Variants in POU6F1 observed in about 807,000 individuals in gnomAD.
POU6F1 encodes POU domain, class 6, transcription factor 1.
A neutral mutation model predicts 28.9 loss-of-function variants in POU6F1; 9 were observed. That is an observed-to-expected ratio of 0.31 (90% CI 0.19 to 0.54). The LOEUF is 0.54. Ranked by LOEUF, POU6F1 falls within the 20% of genes least tolerant of loss-of-function variation. POU6F1 has a pLI of 0.94. For missense variants in POU6F1, 338 were observed against 426.1 expected, an observed-to-expected ratio of 0.79 and a Z score of 1.82; for synonymous variants, 173 against 171.1, an observed-to-expected ratio of 1.01 and a Z score of -0.09.
chr12:51,190,196 A>C lies in POU6F1; in HGVS notation c.*51T>G. On this transcript the variant is annotated 3_prime_UTR_variant, in exon 11 of 11. Coordinates refer to ENST00000333640, the MANE Select transcript of POU6F1 (RefSeq NM_001330422.2). The surrounding 1 kb of genome is among the most constrained non-coding windows in gnomAD (Gnocchi z 4.5). ...CTGTCATGGCAGTGGCTGCAGCCGG[A>C]TGCCACGGGAAATGGACAAAGTGCT... is the stretch of plus-strand genomic sequence containing the variant. 1.3e-6 allele frequency: 2 copies of C among 1,584,342 alleles called. No individual in the cohort carries two copies. Among genetic ancestry groups the C allele is most frequent in the South Asian group, 1.1e-5 (1 of 87,762 alleles).
chr12:51,201,235 A>T (rs961747208), intron 3 of POU6F1, among the ~76,000 whole-genome samples: 1 of 152,194 alleles, frequency 6.6e-6, no homozygotes, highest in Non-Finnish European at 1.5e-5. Flanking sequence ...TCAGGACTAT[A>T]CTGTTCACAG....
chr12:51,193,868 C>T (rs749973833), intron 8 of POU6F1, among the ~76,000 whole-genome samples: 8 of 152,182 alleles, frequency 5.3e-5, no homozygotes, highest in Non-Finnish European at 1.0e-4. Flanking sequence ...GTACAGATTT[C>T]TCCAGGATGG....
rs532358965 is a variant in POU6F1, at chr12:51,190,375, T to A, written c.1708A>T (p.Thr570Ser). ...GCAATTTCAGTGATCTCCTGGCCTG[T>A]GGGCAGTGGGTTCTTCTCAAAATAG... ...NAYFEKNPLP[T>S]GQEITEIAKE... The change falls in exon 11 of 11, where the codon ACA becomes TCA. Residue 570 changes from threonine to serine, a missense_variant. Thr to Ser is a moderately conservative substitution (Grantham distance 58, BLOSUM62 1). Coordinates refer to ENST00000333640, the MANE Select transcript of POU6F1 (RefSeq NM_001330422.2). This position sits in a 1 kb window ranked among gnomAD's most constrained non-coding sequence, Gnocchi z 4.5. 6.2e-7 allele frequency: 1 copy of A among 1,614,142 alleles called. No individual in the cohort carries two copies. The highest frequency in any genetic ancestry group is 1.3e-5 in the African/African-American group (1 of 75,030).
At position 51,202,882 on chromosome 12, in the gene POU6F1, T is replaced by TA. The variant is rs199533751; in HGVS notation, c.244+1290dup. On this transcript the variant is annotated intron_variant, in intron 3 of 10. Coordinates refer to ENST00000333640, the MANE Select transcript of POU6F1 (RefSeq NM_001330422.2). ...TGCATGTGTGACAAAGACTGGATAG[T>TA]AATTTAGAGTGACACAAACCAATAG... 4.6e-3 allele frequency among the ~76,000 whole-genome samples: 696 copies of TA among 152,252 alleles called. 4 individuals are homozygous for TA. The highest frequency in any genetic ancestry group is 0.015 in the African/African-American group (639 of 41,534).
At chr12:51,212,718 G>A (rs1224527763) in intron 1 of POU6F1, among the ~76,000 whole-genome samples, 1 of 136,884 alleles carries the variant, frequency 7.3e-6, no homozygotes, top group African/African-American at 2.7e-5. Flanking sequence ...GGAGGCAGAG[G>A]TGAGCCAAGA....
chr12:51,196,790 G>A lies in POU6F1; in HGVS notation c.975+9C>T, dbSNP rs1317362089. 6 of 1,613,764 alleles carry A rather than the reference G, an allele frequency of 3.7e-6. No individual in the cohort carries two copies. Among genetic ancestry groups the A allele is most frequent in the Non-Finnish European group, 5.1e-6 (6 of 1,179,846 alleles). On this transcript the variant is annotated intron_variant, in intron 7 of 10. Transcript: ENST00000333640. The stretch of plus-strand genomic sequence containing the variant: ...TCCCCACCCTCCAGCCCTGTCTTTG[G>A]CCACTTGCCTGTCCCTGAGCATTGG...
At position 51,217,673 on chromosome 12, in the gene POU6F1, G is replaced by C. The variant is rs559986529; in HGVS notation, c.-79C>G. 4.5e-3 allele frequency: 680 copies of C among 152,056 alleles called. 6 individuals are homozygous for C. Among genetic ancestry groups the C allele is most frequent in the African/African-American group, 0.016 (643 of 41,472 alleles). The allele number at this position is 152,056 out of a possible 1,614,324, so 9.4% of individuals were successfully genotyped here. ...CCGAGCCCGAGCCGCCTTCGCCGCGGGTGTCTGGCGGCCACCGATTAGAGA... is the reference window on the plus strand; with the variant it reads ...CCGAGCCCGAGCCGCCTTCGCCGCGCGTGTCTGGCGGCCACCGATTAGAGA... On this transcript the variant is annotated 5_prime_UTR_variant, in exon 1 of 11. Transcript: ENST00000333640. The surrounding 1 kb of genome is among the most constrained non-coding windows in gnomAD (Gnocchi z 5.3).
chr12:51,200,999 A>C (rs1207633655), intron 3 of POU6F1, among the ~76,000 whole-genome samples: 1 of 152,156 alleles, frequency 6.6e-6, no homozygotes, highest in Non-Finnish European at 1.5e-5. Context: ...GGCCAGATCA[A>C]TGGCTTCTTA....
chr12:51,190,722 C>G lies in POU6F1; in HGVS notation c.1491-130G>C. 1 of 1,367,982 alleles carries G rather than the reference C, an allele frequency of 7.3e-7. No individual in the cohort carries two copies. 84.7% of individuals were successfully genotyped at this position (1,367,982 alleles called of 1,614,324 possible). A position where few individuals can be genotyped will look rare whatever the true frequency, so the allele number is the denominator to read the frequency against. On this transcript the variant is annotated intron_variant, in intron 10 of 10. Transcript: ENST00000333640. This position sits in a 1 kb window ranked among gnomAD's most constrained non-coding sequence, Gnocchi z 4.5. ...GGGGCTGGTGAGACTGTACCCAGTG[C>G]TCCCCTCACCACCTCCACCAAGACC... is the stretch of plus-strand genomic sequence containing the variant.
Position 51,190,569 on chromosome 12 carries a change from G to A in POU6F1, c.1514C>T (p.Pro505Leu). 2.5e-6 allele frequency: 4 copies of A among 1,613,602 alleles called. No individual in the cohort carries two copies. The highest frequency in any genetic ancestry group is 3.4e-6 in the Non-Finnish European group (4 of 1,179,690). ...CGGCTTTAGCTTCTGGGCACTCTTG[G>A]GTGTGATGTCTAGCTTCTCGAACCT... ...ICRFEKLDITPKSAQKLKPVL... is the reference protein window; with the variant it reads ...ICRFEKLDITLKSAQKLKPVL... The change falls in exon 11 of 11, where the codon CCC becomes CTC. Residue 505 changes from proline to leucine, a missense_variant. By Grantham distance (98) the Pro-to-Leu change is moderately conservative. Around this residue, in one of 3 missense-constraint regions of POU6F1, gnomAD observed 126 missense variants for 176.5 expected, o/e 0.71. Coordinates refer to ENST00000333640, the MANE Select transcript of POU6F1 (RefSeq NM_001330422.2). The surrounding 1 kb of genome is among the most constrained non-coding windows in gnomAD (Gnocchi z 4.5).
intron 2 of POU6F1, 74 bp from the exon 3 acceptor site, chr12:51,204,442 T>C (rs1052463592): frequency 7.5e-6 from 3 of 397,590 alleles, no homozygotes; most frequent in Non-Finnish European, 1.3e-5. Flanking sequence ...CTGGGTATGG[T>C]TTGGGGAGAG....
chr12:51,215,427 C>T (rs1349677036), intron 1 of POU6F1, among the ~76,000 whole-genome samples: 2 of 151,734 alleles, frequency 1.3e-5, no homozygotes, highest in Non-Finnish European at 2.9e-5. Flanking sequence ...TGGTGGTGTG[C>T]GCCTATAGTT....
chr12:51,208,548 T>C (rs1398685953), intron 1 of POU6F1, among the ~76,000 whole-genome samples: 1 of 152,174 alleles, frequency 6.6e-6, no homozygotes, highest in Non-Finnish European at 1.5e-5. Context: ...CTTTCTGCTA[T>C]GGTCTGAATG....
At position 51,192,322 on chromosome 12, in the gene POU6F1, C is replaced by G; in HGVS notation, c.1321+8G>C. On this transcript the variant is annotated splice_region_variant and intron_variant, in intron 9 of 10. Transcript: ENST00000333640. ...CTTCTCCACACTACTTCTCCAGGAG[C>G]CACTTACTGGACACCAACTGGCTGA... The G allele has an allele frequency of 6.2e-7, 1 of 1,613,702 alleles. No homozygotes were observed. The highest frequency in any genetic ancestry group is 8.5e-7 in the Non-Finnish European group (1 of 1,179,730).
At chr12:51,202,397 T>C (rs1460250265) in intron 3 of POU6F1, 2 of 152,366 alleles carry the variant, frequency 1.3e-5, no homozygotes, top group Non-Finnish European at 2.9e-5. Flanking sequence ...CGATCTCTGC[T>C]CACTGCAACC....
At chr12:51,212,607 C>A (rs1263156152) in intron 1 of POU6F1, among the ~76,000 whole-genome samples, 1 of 148,572 alleles carries the variant, frequency 6.7e-6, no homozygotes, top group Non-Finnish European at 1.5e-5. Flanking sequence ...ATGGAGAAAC[C>A]CCGTCTCTAC....
At chr12:51,211,587 T>A (rs545982045) in intron 1 of POU6F1, among the ~76,000 whole-genome samples, 2 of 151,734 alleles carry the variant, frequency 1.3e-5, no homozygotes, top group Admixed American at 1.3e-4. Flanking sequence ...TACAAAAAAT[T>A]GAAAAAATAA....
intron 8 of POU6F1, 52 bp from the exon 9 acceptor site, chr12:51,192,523 G>T: frequency 1.3e-6 from 2 of 1,591,050 alleles, no homozygotes; most frequent in Non-Finnish European, 1.7e-6. Context: ...GGCTCAGGGA[G>T]TTAAAATCCC....
Position 51,199,189 on chromosome 12 carries a change from CAA to C in POU6F1, c.367-416_367-415del, listed in dbSNP as rs1943044726. 6.6e-6 allele frequency among the ~76,000 whole-genome samples: 1 copy of C among 150,410 alleles called. No individual in the cohort carries two copies. Among genetic ancestry groups the C allele is most frequent in the Non-Finnish European group, 1.5e-5 (1 of 67,572 alleles). ...GCAGAGGCTAATGGAACCAAGTGGTCAAGGCCCCGCAGAGGCTAATGGAACCA... is the reference window on the plus strand; with the variant it reads ...GCAGAGGCTAATGGAACCAAGTGGTCGGCCCCGCAGAGGCTAATGGAACCA... On this transcript the variant is annotated intron_variant, in intron 4 of 10. Transcript: ENST00000333640. This position sits in a 1 kb window ranked among gnomAD's most constrained non-coding sequence, Gnocchi z 4.1.
Sources: allele counts gnomAD v4.1 joint callset (sites outside exome capture counted in the v4.1 genomes callset), GRCh38; gene constraint gnomAD v4.1.1; regional missense constraint gnomAD v4.1.1; non-coding constraint Gnocchi (gnomAD v3.1); transcripts MANE v1.5; gene names NCBI Gene and HGNC (gene_info 2026-07-23, HGNC 2026-07-21).